GABRB1: variants seen among roughly 807,000 people sequenced by gnomAD.
GABRB1 encodes the protein gamma-aminobutyric acid type A receptor subunit beta1.
Under a neutral mutation model 51.6 loss-of-function variants are expected in GABRB1, and 17 were observed. The observed-to-expected ratio is 0.33, with a 90% CI of 0.23 to 0.49. The LOEUF (loss-of-function observed/expected upper bound fraction) is 0.49. Ranked by LOEUF, GABRB1 falls within the 20% of genes least tolerant of loss-of-function variation. GABRB1 has a pLI of 0.99. For missense variants in GABRB1, 410 were observed against 600.6 expected (o/e 0.68, Z 3.32); for synonymous variants, 247 against 218.9 (o/e 1.13, Z -1.14).
intron 3 of GABRB1, among the ~76,000 whole-genome samples, chr4:47,035,568 A>G (rs1725516245): frequency 6.6e-6 from 1 of 152,136 alleles, no homozygotes; most frequent in Non-Finnish European, 1.5e-5. Flanking sequence ...GTCATCTTAA[A>G]AAACCACCAT....
In GABRB1 at chr4:47,375,604, T is replaced by C. The variant is rs568747450; in HGVS notation, c.545-27714T>C. On this transcript the variant is annotated intron_variant, in intron 5 of 8. Transcript: ENST00000295454. ...GATCCAGATGATGGAGATTCTATCA[T>C]CTTATAGCAGCACCATCTGGCAAAT... 7.6e-4 allele frequency among the ~76,000 whole-genome samples: 115 copies of C among 152,310 alleles called. 4 individuals are homozygous for C. Among genetic ancestry groups the C allele is most frequent in the African/African-American group, 2.6e-3 (110 of 41,568 alleles).
chr4:47,386,806 C>A (rs1727809618), intron 5 of GABRB1, among the ~76,000 whole-genome samples: 1 of 152,144 alleles, frequency 6.6e-6, no homozygotes, highest in South Asian at 2.1e-4. Flanking sequence ...ACCCCACATT[C>A]TGTAAAAGGA....
chr4:47,262,864 T>C (rs1722496063), intron 4 of GABRB1, among the ~76,000 whole-genome samples: 1 of 151,882 alleles, frequency 6.6e-6, no homozygotes, highest in Non-Finnish European at 1.5e-5. Flanking sequence ...TATGCAGCCA[T>C]AAAAAATGAT....
At chr4:47,379,315 C>T (rs1473048876) in intron 5 of GABRB1, among the ~76,000 whole-genome samples, 1 of 152,118 alleles carries the variant, frequency 6.6e-6, no homozygotes, top group Non-Finnish European at 1.5e-5. Flanking sequence ...AAAAGGGATA[C>T]TCATCTAGTA....
At chr4:47,254,030 C>T (rs530060299) in intron 4 of GABRB1, among the ~76,000 whole-genome samples, 1 of 152,204 alleles carries the variant, frequency 6.6e-6, no homozygotes, top group Non-Finnish European at 1.5e-5. Flanking sequence ...ACAATATGGG[C>T]ATTGTACTGA....
intron 3 of GABRB1, among the ~76,000 whole-genome samples, chr4:47,092,235 T>C (rs1728336779): frequency 7.1e-6 from 1 of 140,802 alleles, no homozygotes; most frequent in Non-Finnish European, 1.5e-5. Context: ...TGCAATGGCA[T>C]GATCTCGGCT....
At chr4:47,032,160 A>ACACC (rs1412400121) in intron 2 of GABRB1, among the ~76,000 whole-genome samples, 155 bp downstream of exon 2, 27 of 137,924 alleles carry the variant, frequency 2.0e-4, no homozygotes, top group Admixed American at 8.5e-4. Flanking sequence ...ACACACACAC[A>ACACC]CCCCGGGTCC....
At chr4:47,396,953 ACT>A (rs1728197307) in intron 5 of GABRB1, among the ~76,000 whole-genome samples, 2 of 150,396 alleles carry the variant, frequency 1.3e-5, no homozygotes, top group Non-Finnish European at 3.0e-5. Context: ...TTTTCAATGA[ACT>A]CTCTGTTCAT....
intron 8 of GABRB1, among the ~76,000 whole-genome samples, chr4:47,417,122 A>C (rs983580835): frequency 6.6e-6 from 1 of 152,236 alleles, no homozygotes; most frequent in African/African-American, 2.4e-5. Context: ...AATGCTTTCA[A>C]TCAGTAGCAT....
intron 3 of GABRB1, among the ~76,000 whole-genome samples, chr4:47,043,555 C>G (rs1220206579): frequency 6.6e-6 from 1 of 152,050 alleles, no homozygotes; most frequent in Non-Finnish European, 1.5e-5. Flanking sequence ...AGTCACTGTT[C>G]TGCTGTTCCA....
At chr4:47,225,100 G>A (rs1270912094) in intron 4 of GABRB1, among the ~76,000 whole-genome samples, 2 of 152,054 alleles carry the variant, frequency 1.3e-5, no homozygotes, top group East Asian at 3.9e-4. Context: ...TCTCCATGTT[G>A]GTCAGGCTGG....
intron 3 of GABRB1, among the ~76,000 whole-genome samples, chr4:47,034,871 T>C (rs1422535808): frequency 1.3e-5 from 2 of 152,170 alleles, no homozygotes; most frequent in African/African-American, 4.8e-5. Context: ...AGGAAGTCCA[T>C]GGAAAATAAG....
intron 4 of GABRB1, among the ~76,000 whole-genome samples, chr4:47,168,582 C>T (rs1718304717): frequency 6.6e-6 from 1 of 152,096 alleles, no homozygotes; most frequent in African/African-American, 2.4e-5. Context: ...GGCAAGACTG[C>T]TTCATAGGCA....
intron 4 of GABRB1, among the ~76,000 whole-genome samples, chr4:47,283,176 C>T (rs1723355397): frequency 6.6e-6 from 1 of 151,866 alleles, no homozygotes; most frequent in African/African-American, 2.4e-5. Context: ...TGAGAGATGG[C>T]ATAGATAATT....
intron 4 of GABRB1, among the ~76,000 whole-genome samples, chr4:47,284,965 G>A (rs1397786181): frequency 2.0e-5 from 3 of 152,194 alleles, no homozygotes; most frequent in African/African-American, 7.2e-5. Context: ...GAGTTTGGAG[G>A]ATCGTACCCC....
intron 4 of GABRB1, among the ~76,000 whole-genome samples, chr4:47,276,810 A>T (rs1723092942): frequency 6.6e-6 from 1 of 151,942 alleles, no homozygotes; most frequent in South Asian, 2.1e-4. Flanking sequence ...AGCCTCCTTA[A>T]CCTCTACCCA....
chr4:47,070,122 G>A (rs921518371), intron 3 of GABRB1, among the ~76,000 whole-genome samples: 24 of 149,598 alleles, frequency 1.6e-4, no homozygotes, highest in African/African-American at 5.2e-4. Context: ...TGCAACCTCC[G>A]CCTTCTGAGC....
chr4:47,383,672 C>T (rs1289491705), intron 5 of GABRB1, among the ~76,000 whole-genome samples: 1 of 152,060 alleles, frequency 6.6e-6, no homozygotes, highest in Non-Finnish European at 1.5e-5. Flanking sequence ...CATTAATATG[C>T]ATAGCTAAAA....
intron 5 of GABRB1, among the ~76,000 whole-genome samples, chr4:47,372,380 G>T (rs1727225215): frequency 6.6e-6 from 1 of 152,114 alleles, no homozygotes; most frequent in South Asian, 2.1e-4. Context: ...GTGGTTTACT[G>T]AACAGTCAGA....
Sources: allele counts gnomAD v4.1 joint callset (sites outside exome capture counted in the v4.1 genomes callset), GRCh38; gene constraint gnomAD v4.1.1; transcripts MANE v1.5; gene names NCBI Gene and HGNC (gene_info 2026-07-23, HGNC 2026-07-21).